Variants in PLSCR2 observed in about 807,000 individuals in gnomAD.
The protein encoded by PLSCR2 is phospholipid scramblase 2, also known as PL scramblase 2.
In PLSCR2, 18 loss-of-function variants were observed where a neutral mutation model predicts 25.3. The ratio of observed to expected loss-of-function variants is 0.71; its 90% confidence interval spans 0.49 to 1.06. PLSCR2 has a LOEUF of 1.06. PLSCR2 is among the 50% of genes least tolerant of loss of function. The pLI is 0.00. For synonymous variants in PLSCR2, 88 were observed against 87.3 expected (o/e 1.01, Z -0.04); for missense variants, 243 against 269.5 (o/e 0.90, Z 0.69).
At chr3:146,475,657 T>A (rs2042261428) in intron 1 of PLSCR2, among the ~76,000 whole-genome samples, 1 of 152,202 alleles carries the variant, frequency 6.6e-6, no homozygotes. Context: ...GTTAGCATAG[T>A]AGTCATTCAA....
At chr3:146,452,995 C>A (rs1168864046) in intron 5 of PLSCR2, among the ~76,000 whole-genome samples, 1 of 151,326 alleles carries the variant, frequency 6.6e-6, no homozygotes, top group African/African-American at 2.4e-5. Flanking sequence ...TATATGTATC[C>A]CTTTATAAGA....
chr3:146,485,694 A>G (rs2043314622), intron 1 of PLSCR2, among the ~76,000 whole-genome samples: 1 of 152,120 alleles, frequency 6.6e-6, no homozygotes. Context: ...CCTACTCCTG[A>G]ATGACTCCTG....
chr3:146,397,453 C>T (rs1293204928), intron 2 of PLSCR2, among the ~76,000 whole-genome samples: 1 of 152,090 alleles, frequency 6.6e-6, no homozygotes, highest in African/African-American at 2.4e-5. Flanking sequence ...CTGTAACTAG[C>T]TACTACTTTA....
intron 8 of PLSCR2, among the ~76,000 whole-genome samples, chr3:146,434,794 T>C (rs752723550): frequency 2.6e-5 from 4 of 152,194 alleles, no homozygotes; most frequent in African/African-American, 4.8e-5. Context: ...TATTATACTT[T>C]AAGTTCTAGG....
chr3:146,394,938 C>A (rs147823487), intron 3 of PLSCR2, among the ~76,000 whole-genome samples: 1 of 152,320 alleles, frequency 6.6e-6, no homozygotes, highest in Non-Finnish European at 1.5e-5. Flanking sequence ...TGCTTGTACT[C>A]ACTGTTTCCT....
chr3:146,452,023 G>A lies in PLSCR2; in HGVS notation c.483+1979C>T, dbSNP rs144902618. ...TTAACAAATTGTCAAACCCATGGAG[G>A]AGGTTGTGTGAATCCTGCTTTATAG... On this transcript the variant is annotated intron_variant, in intron 5 of 6. Transcript: ENST00000610787. Among the ~76,000 whole-genome samples, 18 of 152,322 alleles carry A rather than the reference G, an allele frequency of 1.2e-4. No homozygotes were observed. In the East Asian group the frequency reaches 3.1e-3, roughly 26 times the overall value.
chr3:146,402,010 CT>C (rs1224639949), intron 2 of PLSCR2, among the ~76,000 whole-genome samples: 1 of 151,732 alleles, frequency 6.6e-6, no homozygotes, highest in Non-Finnish European at 1.5e-5. Flanking sequence ...AAATTTACCC[CT>C]TTTGCAAGCA....
intron 3 of PLSCR2, among the ~76,000 whole-genome samples, chr3:146,392,021 G>A (rs1264728509): frequency 6.6e-6 from 1 of 151,898 alleles, no homozygotes; most frequent in Admixed American, 6.6e-5. Flanking sequence ...AAAATATTCT[G>A]AGTATTTGTG....
chr3:146,466,294 C>G (rs2108463275), intron 1 of PLSCR2, among the ~76,000 whole-genome samples: 1 of 152,282 alleles, frequency 6.6e-6, no homozygotes, highest in East Asian at 1.9e-4. Context: ...CCTCAGCCAC[C>G]AGCATAGCTG....
At chr3:146,392,197 T>C (rs2038104396) in intron 3 of PLSCR2, among the ~76,000 whole-genome samples, 1 of 152,130 alleles carries the variant, frequency 6.6e-6, no homozygotes, top group African/African-American at 2.4e-5. Context: ...AGAGTGTACA[T>C]TGCTAGTTAC....
At chr3:146,425,622 T>C (rs1229534531) in intron 2 of PLSCR2, among the ~76,000 whole-genome samples, 1 of 152,102 alleles carries the variant, frequency 6.6e-6, no homozygotes, top group Non-Finnish European at 1.5e-5. Flanking sequence ...GGGAGTATGA[T>C]AGAAAAAGTA....
chr3:146,401,609 G>A (rs2038476041), intron 2 of PLSCR2: 2 of 152,518 alleles, frequency 1.3e-5, no homozygotes, highest in African/African-American at 4.8e-5. Context: ...GATGTAAGAT[G>A]TATGTAAACA....
downstream of PLSCR2, among the ~76,000 whole-genome samples, chr3:146,437,849 CT>C (rs1166080595): frequency 2.0e-5 from 3 of 152,088 alleles, no homozygotes; most frequent in Non-Finnish European, 4.4e-5. Flanking sequence ...TTCTCTAGTT[CT>C]TTTAATTGTG....
At chr3:146,475,806 G>A (rs2042265881) in intron 1 of PLSCR2, among the ~76,000 whole-genome samples, 1 of 152,092 alleles carries the variant, frequency 6.6e-6, no homozygotes, top group African/African-American at 2.4e-5. Flanking sequence ...TTCTCTCACT[G>A]CTTGCACAGA....
upstream of PLSCR2, among the ~76,000 whole-genome samples, chr3:146,461,190 G>A (rs1455192533): frequency 1.3e-5 from 2 of 152,068 alleles, no homozygotes; most frequent in Non-Finnish European, 2.9e-5. Flanking sequence ...ATAATTTCAA[G>A]GGACTATGTT....
chr3:146,404,462 C>T (rs917086759), intron 2 of PLSCR2, among the ~76,000 whole-genome samples: 1 of 152,200 alleles, frequency 6.6e-6, no homozygotes, highest in Non-Finnish European at 1.5e-5. Flanking sequence ...CTAATCACTT[C>T]TTAAAGGTCC....
exon 1 of PLSCR2, chr3:146,460,245 T>G: frequency 7.3e-7 from 1 of 1,370,854 alleles, no homozygotes; most frequent in South Asian, 1.8e-5. Flanking sequence ...TAATGAAATA[T>G]CTGTGGTTTC....
chr3:146,428,484 G>T (rs1319854503), downstream of PLSCR2, among the ~76,000 whole-genome samples: 27 of 152,140 alleles, frequency 1.8e-4, no homozygotes, highest in Non-Finnish European at 8.8e-5. Flanking sequence ...GATATTTTCA[G>T]CCACAGAATA....
chr3:146,479,001 A>G (rs1462280940), intron 1 of PLSCR2, among the ~76,000 whole-genome samples: 1 of 152,214 alleles, frequency 6.6e-6, no homozygotes, highest in Admixed American at 6.5e-5. Flanking sequence ...ACTAAGCTTC[A>G]TAAGTAAAGG....
Sources: gnomAD v4.1 joint callset for allele counts (sites outside exome capture counted in the v4.1 genomes callset) on GRCh38, gnomAD v4.1.1 for gene constraint, MANE v1.5 for transcripts, NCBI Gene and HGNC (gene_info 2026-07-23, HGNC 2026-07-21) for gene names.